The following CAMKMT variants were observed in gnomAD, a reference collection of about 807,000 sequenced individuals.
CAMKMT encodes calmodulin-lysine N-methyltransferase.
CAMKMT carries 53 observed loss-of-function variants against 48.0 expected under a neutral mutation model. The observed-to-expected ratio is 1.10, with a 90% confidence interval of 0.89 to 1.39. The LOEUF (loss-of-function observed/expected upper bound fraction) is 1.39. Among genes scored for constraint, CAMKMT ranks in the 40% most tolerant of loss-of-function variants. The pLI is 0.00. For synonymous variants in CAMKMT, 165 were observed against 152.3 expected, an observed-to-expected ratio of 1.08 and a Z score of -0.61; for missense variants, 428 against 402.7, an observed-to-expected ratio of 1.06 and a Z score of -0.54.
At position 44,745,471 on chromosome 2, in the gene CAMKMT, T is replaced by A. The variant is rs979459235; in HGVS notation, c.698+1775T>A. 3.9e-5 allele frequency among the ~76,000 whole-genome samples: 6 copies of A among 152,346 alleles called. No individual in the cohort carries two copies. The East Asian group carries it at 1.2e-3, about 29-fold the overall frequency. On this transcript the variant is annotated intron_variant, in intron 8 of 10. Transcript: ENST00000378494. ...CCGACAACAGGGTCACGTACACTGA[T>A]ATACATAATGCATATTCAATTTAAG...
At chr2:44,426,652 C>T (rs1205827386) in intron 3 of CAMKMT, among the ~76,000 whole-genome samples, 1 of 152,158 alleles carries the variant, frequency 6.6e-6, no homozygotes, top group Non-Finnish European at 1.5e-5. Flanking sequence ...GAACTTAAAA[C>T]ACTGCTGAAA....
At chr2:44,479,404 T>A (rs952989397) in intron 3 of CAMKMT, among the ~76,000 whole-genome samples, 1 of 152,204 alleles carries the variant, frequency 6.6e-6, no homozygotes, top group Non-Finnish European at 1.5e-5. Flanking sequence ...CGGTTGTGGG[T>A]TTTTTTCCTA....
intron 3 of CAMKMT, among the ~76,000 whole-genome samples, chr2:44,554,909 A>G (rs557836726): frequency 6.6e-6 from 1 of 152,282 alleles, no homozygotes; most frequent in East Asian, 1.9e-4. Flanking sequence ...TAAATACTGC[A>G]TTAGGATCTG....
At chr2:44,571,499 TAAATTAATGTA>T (rs1396491439) in intron 3 of CAMKMT, among the ~76,000 whole-genome samples, 4 of 152,242 alleles carry the variant, frequency 2.6e-5, no homozygotes, top group Non-Finnish European at 5.9e-5. Context: ...CATACTTTTT[TAAATTAATGTA>T]ATATTGATAA....
At position 44,549,932 on chromosome 2, in the gene CAMKMT, T is replaced by C. The variant is rs74726122; in HGVS notation, c.377-154351T>C. 3.8e-3 allele frequency: 1,020 copies of C among 266,714 alleles called. 8 individuals are homozygous for C. The highest frequency in any genetic ancestry group is 0.02 in the African/African-American group (899 of 45,448). The allele number at this position is 266,714 out of a possible 1,614,324, so 16.5% of individuals were successfully genotyped here. On this transcript the variant is annotated intron_variant, in intron 3 of 10. Coordinates refer to ENST00000378494, the MANE Select transcript of CAMKMT (RefSeq NM_024766.5). ...TCATTCAGTGTAGAGTTCTAGGATTTTTGAAATAGGATAGATTCATTCTGA... is the reference window on the plus strand; with the variant it reads ...TCATTCAGTGTAGAGTTCTAGGATTCTTGAAATAGGATAGATTCATTCTGA...
intron 3 of CAMKMT, among the ~76,000 whole-genome samples, chr2:44,638,057 ACC>A (rs35927637): frequency 0.4 from 56,041 of 140,282 alleles, 13,542 homozygotes; most frequent in Middle Eastern, 0.56. Flanking sequence ...TCCATCTCAA[ACC>A]AAAAAAAAAA....
At chr2:44,753,294 G>A (rs111367489) in intron 8 of CAMKMT, among the ~76,000 whole-genome samples, 2 of 149,938 alleles carry the variant, frequency 1.3e-5, no homozygotes, top group African/African-American at 4.9e-5. Flanking sequence ...GGGCATGGTG[G>A]TGCACAACTG....
chr2:44,375,366 C>CTA (rs1182262345), intron 2 of CAMKMT, among the ~76,000 whole-genome samples: 14 of 150,554 alleles, frequency 9.3e-5, no homozygotes, highest in Admixed American at 1.3e-4. Flanking sequence ...ATAGCACCTT[C>CTA]TATATATATA....
At chr2:44,672,759 A>T (rs1415792846) in intron 3 of CAMKMT, among the ~76,000 whole-genome samples, 3 of 152,196 alleles carry the variant, frequency 2.0e-5, no homozygotes, top group Non-Finnish European at 4.4e-5. Flanking sequence ...AGCTGAGATA[A>T]ATACCAACTA....
intron 3 of CAMKMT, among the ~76,000 whole-genome samples, chr2:44,399,956 A>G (rs1380962727): frequency 2.6e-5 from 4 of 152,338 alleles, no homozygotes; most frequent in African/African-American, 9.6e-5. Flanking sequence ...GTGTATGTTT[A>G]GAAGACAAGG....
rs147905772 is a variant in CAMKMT, at chr2:44,708,762, G to A, written c.556+1300G>A. 2.9e-3 allele frequency among the ~76,000 whole-genome samples: 436 copies of A among 152,166 alleles called. 1 individual carries two copies. The highest frequency in any genetic ancestry group is 0.01 in the African/African-American group (417 of 41,506). ...CTGTGCTCCTCCTCCTTATGTCAGG[G>A]AATACAGAGCAAGAGGAAGCTCAGG... is the stretch of plus-strand genomic sequence containing the variant. On this transcript the variant is annotated intron_variant, in intron 6 of 10. Transcript: ENST00000378494.
chr2:44,403,819 A>C (rs1682596195), intron 3 of CAMKMT, among the ~76,000 whole-genome samples: 1 of 151,362 alleles, frequency 6.6e-6, no homozygotes, highest in Non-Finnish European at 1.5e-5. Flanking sequence ...GTTCTTGTCA[A>C]ATCTACACTA....
At chr2:44,559,022 A>T (rs139096025) in intron 3 of CAMKMT, among the ~76,000 whole-genome samples, 2 of 152,232 alleles carry the variant, frequency 1.3e-5, no homozygotes, top group African/African-American at 4.8e-5. Context: ...GACAGACATT[A>T]TCTGTCTATC....
chr2:44,506,251 A>C (rs1670256973), intron 3 of CAMKMT, among the ~76,000 whole-genome samples: 1 of 152,164 alleles, frequency 6.6e-6, no homozygotes, highest in Admixed American at 6.5e-5. Flanking sequence ...AAGTGAGAAA[A>C]TGAAATAAGG....
At chr2:44,438,655 A>G (rs575122511) in intron 3 of CAMKMT, among the ~76,000 whole-genome samples, 1 of 152,000 alleles carries the variant, frequency 6.6e-6, no homozygotes, top group East Asian at 1.9e-4. Context: ...TTCCACCTTT[A>G]TACTTTTTGA....
chr2:44,614,882 C>T (rs1339181486), intron 3 of CAMKMT, among the ~76,000 whole-genome samples: 1 of 150,070 alleles, frequency 6.7e-6, no homozygotes, highest in Non-Finnish European at 1.5e-5. Context: ...CGTGCACCAC[C>T]CAGTCTGCTA....
chr2:44,509,038 G>T (rs1283168445), intron 3 of CAMKMT, among the ~76,000 whole-genome samples: 1 of 151,200 alleles, frequency 6.6e-6, no homozygotes, highest in Non-Finnish European at 1.5e-5. Flanking sequence ...GGAGGTTGCA[G>T]TGAGCCGAGA....
intron 3 of CAMKMT, among the ~76,000 whole-genome samples, chr2:44,663,892 G>T (rs528564994): frequency 6.6e-6 from 1 of 152,064 alleles, no homozygotes; most frequent in African/African-American, 2.4e-5. Context: ...TCTTGTGGGG[G>T]AAGATAAATA....
intron 10 of CAMKMT, among the ~76,000 whole-genome samples, chr2:44,771,099 G>A (rs1344400201): frequency 6.6e-6 from 1 of 152,198 alleles, no homozygotes; most frequent in Non-Finnish European, 1.5e-5. Flanking sequence ...ATGCCCCAGA[G>A]GGACCAACCT....
Sources: gnomAD v4.1 joint callset for allele counts (sites outside exome capture counted in the v4.1 genomes callset) on GRCh38, gnomAD v4.1.1 for gene constraint, MANE v1.5 for transcripts, NCBI Gene and HGNC (gene_info 2026-07-23, HGNC 2026-07-21) for gene names.